Variants in EPB41L5 observed in about 807,000 individuals in gnomAD.
EPB41L5 encodes erythrocyte membrane protein band 4.1 like 5, also known as band 4.1-like protein 5.
Under a neutral mutation model 106.6 loss-of-function variants are expected in EPB41L5, and 55 were observed. The ratio of observed to expected loss-of-function variants is 0.52; its 90% confidence interval spans 0.42 to 0.65. The LOEUF is 0.65. EPB41L5 is among the 30% of genes least tolerant of loss of function. The probability of loss-of-function intolerance (pLI) is 0.00; values close to 1 mark genes in which losing one functional copy is unlikely to be tolerated. For synonymous variants in EPB41L5, 297 were observed against 306.7 expected (o/e 0.97, Z 0.33); for missense variants, 871 against 882.1 (o/e 0.99, Z 0.16).
intron 14 of EPB41L5, among the ~76,000 whole-genome samples, chr2:120,095,384 C>T (rs1306047114): frequency 6.6e-6 from 1 of 152,008 alleles, no homozygotes; most frequent in Non-Finnish European, 1.5e-5. Context: ...CCCATTATTT[C>T]TCTAGATATT....
chr2:120,093,223 A>C (rs746102680), intron 13 of EPB41L5, 26 bp from the exon 14 acceptor site: 3 of 1,604,514 alleles, frequency 1.9e-6, no homozygotes, highest in Non-Finnish European at 2.6e-6. Context: ...GAAACTAATG[A>C]GGTGTTATCT....
At chr2:120,014,971 TAAAAA>T (rs35008136) in intron 1 of EPB41L5, among the ~76,000 whole-genome samples, 5 of 141,048 alleles carry the variant, frequency 3.5e-5, no homozygotes, top group Non-Finnish European at 7.6e-5. Flanking sequence ...TCACAATCAT[TAAAAA>T]AAAAAAAAAC....
intron 3 of EPB41L5, among the ~76,000 whole-genome samples, chr2:120,063,712 G>A (rs1327822735): frequency 6.6e-6 from 1 of 152,182 alleles, no homozygotes; most frequent in African/African-American, 2.4e-5. Flanking sequence ...TTGTGAGGCC[G>A]AGAGGGGCGG....
chr2:120,091,124 A>T (rs1683380992), intron 12 of EPB41L5, among the ~76,000 whole-genome samples: 1 of 152,240 alleles, frequency 6.6e-6, no homozygotes. Context: ...AACAGAATTT[A>T]AATGGAAATC....
At chr2:120,079,712 C>T (rs1682509687) in intron 10 of EPB41L5, among the ~76,000 whole-genome samples, 2 of 152,082 alleles carry the variant, frequency 1.3e-5, no homozygotes, top group African/African-American at 2.4e-5. Context: ...TCTTGGCTTC[C>T]CCATCTCACA....
chr2:120,175,020 C>A lies in EPB41L5; in HGVS notation c.*113C>A, dbSNP rs112390440. The A allele has an allele frequency of 1.9e-6, 2 of 1,061,940 alleles. No individual in the cohort carries two copies. Among genetic ancestry groups the A allele is most frequent in the African/African-American group, 1.6e-5 (1 of 63,962 alleles). The allele number at this position is 1,061,940 out of a possible 1,614,324, so 65.8% of individuals were successfully genotyped here. On this transcript the variant is annotated 3_prime_UTR_variant, in exon 25 of 25. Coordinates refer to ENST00000263713, the MANE Select transcript of EPB41L5 (RefSeq NM_020909.4). ...TTATTTGTAGGTAAAAAAAGCTGCA[C>A]GTAGATTTGACTTCAACTCCGTAAA...
At chr2:120,120,309 GTAGTCCCGGC>G (rs1440464389) in intron 16 of EPB41L5, among the ~76,000 whole-genome samples, 1 of 151,824 alleles carries the variant, frequency 6.6e-6, no homozygotes, top group Non-Finnish European at 1.5e-5. Flanking sequence ...GCACGTGGCT[GTAGTCCCGGC>G]TACATGGGAG....
chr2:120,070,781 T>G (rs1367308580), intron 3 of EPB41L5, among the ~76,000 whole-genome samples: 1 of 152,154 alleles, frequency 6.6e-6, no homozygotes, highest in South Asian at 2.1e-4. Flanking sequence ...TTGATAAAAT[T>G]CAACAGCCCT....
chr2:120,058,841 A>G (rs531645046), intron 3 of EPB41L5, among the ~76,000 whole-genome samples: 7 of 152,356 alleles, frequency 4.6e-5, no homozygotes, highest in African/African-American at 7.2e-5. Context: ...AAGACATTCT[A>G]CATTGAATGG....
intron 20 of EPB41L5, among the ~76,000 whole-genome samples, chr2:120,153,436 G>C (rs1359851895): frequency 6.6e-6 from 1 of 152,084 alleles, no homozygotes; most frequent in African/African-American, 2.4e-5. Context: ...GTATGTTCTT[G>C]AGAAGAAGGT....
chr2:120,171,806 A>T (rs1039102145), intron 24 of EPB41L5, among the ~76,000 whole-genome samples: 1 of 152,222 alleles, frequency 6.6e-6, no homozygotes, highest in African/African-American at 2.4e-5. Context: ...TCTTTGAAAT[A>T]CAAAGAGAGC....
intron 2 of EPB41L5, among the ~76,000 whole-genome samples, chr2:120,033,292 G>GT (rs1281960893): frequency 1.3e-5 from 2 of 152,142 alleles, no homozygotes; most frequent in Non-Finnish European, 2.9e-5. Flanking sequence ...AAATGGTATA[G>GT]TTTTTTCTCA....
chr2:120,073,318 GT>G, intron 4 of EPB41L5, 98 bp downstream of exon 4: 2 of 1,069,616 alleles, frequency 1.9e-6, no homozygotes, highest in Non-Finnish European at 2.8e-6. Context: ...TTTCAGATGA[GT>G]TTTTTAGCAT....
intron 22 of EPB41L5, 56 bp from the exon 23 acceptor site, chr2:120,167,410 A>G (rs1311131027): frequency 1.4e-6 from 2 of 1,421,964 alleles, no homozygotes; most frequent in Non-Finnish European, 2.0e-6. Flanking sequence ...TATTATAAGT[A>G]TGAAAATAAG....
At chr2:120,075,283 G>A (rs1713084) in intron 5 of EPB41L5, among the ~76,000 whole-genome samples, 193 bp from the exon 6 acceptor site, 152,002 of 152,358 alleles carry the variant, frequency 1, 75,825 homozygotes, top group Middle Eastern at 1. Context: ...GATACCCCAC[G>A]TATACTGACT....
chr2:120,120,989 C>T (rs564965680), intron 16 of EPB41L5, among the ~76,000 whole-genome samples: 7 of 152,188 alleles, frequency 4.6e-5, no homozygotes, highest in African/African-American at 1.7e-4. Flanking sequence ...TGGTGGCCGG[C>T]ACCTGCAATC....
chr2:120,109,393 C>T (rs547384569), intron 16 of EPB41L5, among the ~76,000 whole-genome samples: 1 of 152,320 alleles, frequency 6.6e-6, no homozygotes, highest in South Asian at 2.1e-4. Context: ...TCCCTTCCTA[C>T]TCTGTTCTCA....
intron 16 of EPB41L5, among the ~76,000 whole-genome samples, chr2:120,125,309 C>G (rs1018108462): frequency 1.3e-5 from 2 of 152,156 alleles, no homozygotes; most frequent in Non-Finnish European, 2.9e-5. Flanking sequence ...CCCTGCCAAA[C>G]AGTGGAAACA....
At chr2:120,026,178 A>G (rs1678298245) in intron 2 of EPB41L5, among the ~76,000 whole-genome samples, 1 of 152,306 alleles carries the variant, frequency 6.6e-6, no homozygotes, top group Admixed American at 6.5e-5. Context: ...AAAAATAGGC[A>G]TAATTTTTGG....
Sources: allele counts gnomAD v4.1 joint callset (sites outside exome capture counted in the v4.1 genomes callset), GRCh38; gene constraint gnomAD v4.1.1; transcripts MANE v1.5; gene names NCBI Gene and HGNC (gene_info 2026-07-23, HGNC 2026-07-21).